Variants in ADAMTS17 observed in about 807,000 individuals in gnomAD.
The protein encoded by ADAMTS17 is A disintegrin and metalloproteinase with thrombospondin motifs 17.
Under a neutral mutation model 141.5 loss-of-function variants are expected in ADAMTS17, and 113 were observed. The observed-to-expected ratio is 0.80, with a 90% confidence interval of 0.69 to 0.93. The LOEUF (loss-of-function observed/expected upper bound fraction) is 0.93. Among genes scored for constraint, ADAMTS17 ranks in the 40% least tolerant of loss-of-function variants. ADAMTS17 has a pLI of 0.00. For missense variants in ADAMTS17, 1,659 were observed against 1,517.9 expected (o/e 1.09, Z -1.54); for synonymous variants, 768 against 630.6 (o/e 1.22, Z -3.27).
chr15:100,172,987 C>T (rs907856428), intron 8 of ADAMTS17, among the ~76,000 whole-genome samples: 4 of 152,138 alleles, frequency 2.6e-5, no homozygotes, highest in Non-Finnish European at 5.9e-5. Flanking sequence ...GCTTCTCAAA[C>T]TTCTGTGCAC....
chr15:100,236,577 C>T (rs931103140), intron 7 of ADAMTS17, among the ~76,000 whole-genome samples: 20 of 152,184 alleles, frequency 1.3e-4, no homozygotes, highest in Non-Finnish European at 2.6e-4. Flanking sequence ...GTAGCTCACT[C>T]CTGTAATCCC....
At chr15:100,271,154 C>A (rs940275352) in intron 4 of ADAMTS17, among the ~76,000 whole-genome samples, 1 of 152,148 alleles carries the variant, frequency 6.6e-6, no homozygotes, top group African/African-American at 2.4e-5. Context: ...CATCTGTGGA[C>A]ACTTTGGGTT....
At chr15:100,082,528 G>C (rs2034813545) in intron 15 of ADAMTS17, among the ~76,000 whole-genome samples, 1 of 151,910 alleles carries the variant, frequency 6.6e-6, no homozygotes, top group Non-Finnish European at 1.5e-5. Flanking sequence ...GGGGACTTCA[G>C]GCACACACCA....
At chr15:100,100,031 T>C (rs2035998891) in intron 14 of ADAMTS17, among the ~76,000 whole-genome samples, 1 of 152,232 alleles carries the variant, frequency 6.6e-6, no homozygotes, top group South Asian at 2.1e-4. Flanking sequence ...TTTCACCTCC[T>C]GCTCTACAGC....
At chr15:100,158,748 T>G (rs980563330) in intron 8 of ADAMTS17, among the ~76,000 whole-genome samples, 1 of 152,220 alleles carries the variant, frequency 6.6e-6, no homozygotes, top group Non-Finnish European at 1.5e-5. Context: ...TTTTAAAATA[T>G]ATATGAAGCT....
intron 7 of ADAMTS17, among the ~76,000 whole-genome samples, chr15:100,223,476 C>G (rs1279844978): frequency 6.6e-6 from 1 of 152,068 alleles, no homozygotes; most frequent in Admixed American, 6.5e-5. Flanking sequence ...TATACTGGCC[C>G]TGAGCTCATC....
chr15:100,287,267 C>A (rs1006177337), intron 3 of ADAMTS17, among the ~76,000 whole-genome samples: 4 of 152,252 alleles, frequency 2.6e-5, no homozygotes, highest in Middle Eastern at 3.4e-3. Flanking sequence ...GTACTAACAG[C>A]AGGATACACC....
chr15:100,237,376 C>T (rs574151624), intron 7 of ADAMTS17, among the ~76,000 whole-genome samples: 1 of 152,290 alleles, frequency 6.6e-6, no homozygotes, highest in East Asian at 1.9e-4. Context: ...AGGACTCACC[C>T]CTGGGAAGCC....
chr15:100,339,999 G>C (rs940254212), intron 2 of ADAMTS17, among the ~76,000 whole-genome samples: 1 of 152,236 alleles, frequency 6.6e-6, no homozygotes, highest in Non-Finnish European at 1.5e-5. Context: ...AAAAGGTGGA[G>C]GTGTGGGGAG....
At chr15:100,131,933 T>C in intron 12 of ADAMTS17, 74 bp downstream of exon 12, 2 of 1,605,936 alleles carry the variant, frequency 1.2e-6, no homozygotes, top group African/African-American at 1.3e-5. Flanking sequence ...CCCTGCTTTG[T>C]GTGAGGCAGC....
At chr15:100,008,985 G>A (rs931912481) in intron 18 of ADAMTS17, among the ~76,000 whole-genome samples, 2 of 152,144 alleles carry the variant, frequency 1.3e-5, no homozygotes, top group African/African-American at 2.4e-5. Context: ...GACGACAGGC[G>A]TGTGTCACCA....
At chr15:100,285,715 C>A (rs918745858) in intron 3 of ADAMTS17, among the ~76,000 whole-genome samples, 4 of 152,140 alleles carry the variant, frequency 2.6e-5, no homozygotes, top group Non-Finnish European at 5.9e-5. Flanking sequence ...ATGCTTGAGC[C>A]GGCAGGGAGA....
intron 7 of ADAMTS17, among the ~76,000 whole-genome samples, chr15:100,232,476 G>T (rs2042514386): frequency 2.0e-5 from 3 of 152,242 alleles, no homozygotes; most frequent in African/African-American, 7.2e-5. Context: ...ATCAAGTCAT[G>T]CAGAGAGGTG....
At chr15:100,198,202 A>G (rs1024502051) in intron 8 of ADAMTS17, among the ~76,000 whole-genome samples, 2 of 152,208 alleles carry the variant, frequency 1.3e-5, no homozygotes, top group Non-Finnish European at 2.9e-5. Flanking sequence ...AAACAAAACA[A>G]AAAGGTCATA....
At chr15:100,149,578 G>A (rs903538571) in intron 10 of ADAMTS17, among the ~76,000 whole-genome samples, 1 of 151,844 alleles carries the variant, frequency 6.6e-6, no homozygotes, top group African/African-American at 2.4e-5. Context: ...CTTTTTTCCT[G>A]CCAAACTGCT....
At chr15:100,089,992 TAAA>T (rs71676052) in intron 15 of ADAMTS17, among the ~76,000 whole-genome samples, 25 of 136,400 alleles carry the variant, frequency 1.8e-4, no homozygotes, top group African/African-American at 5.4e-4. Context: ...ATAATAAAAT[TAAA>T]AAAAAAAAAA....
chr15:100,322,113 T>G (rs1339942790), intron 3 of ADAMTS17, among the ~76,000 whole-genome samples: 2 of 151,952 alleles, frequency 1.3e-5, no homozygotes, highest in African/African-American at 4.8e-5. Context: ...TTGGAAGATG[T>G]GGGTGGAGTC....
chr15:100,283,620 G>A (rs574800572), intron 3 of ADAMTS17, among the ~76,000 whole-genome samples: 53 of 152,258 alleles, frequency 3.5e-4, no homozygotes, highest in African/African-American at 1.2e-3. Context: ...TTGGTTATTC[G>A]GTACTTGTTT....
intron 12 of ADAMTS17, 36 bp downstream of exon 12, chr15:100,131,971 G>A (rs937597741): frequency 9.9e-6 from 16 of 1,613,810 alleles, no homozygotes; most frequent in South Asian, 2.2e-5. Context: ...AACTCCAATC[G>A]TGGCACGTTG....
Sources: gnomAD v4.1 joint callset for allele counts (sites outside exome capture counted in the v4.1 genomes callset) on GRCh38, gnomAD v4.1.1 for gene constraint, MANE v1.5 for transcripts, NCBI Gene and HGNC (gene_info 2026-07-23, HGNC 2026-07-21) for gene names.